The following TMEFF2 variants were observed in gnomAD, a reference collection of about 807,000 sequenced individuals.
TMEFF2 encodes tomoregulin-2.
TMEFF2 carries 28 observed loss-of-function variants against 53.8 expected under a neutral mutation model. The ratio of observed to expected loss-of-function variants is 0.52; its 90% CI spans 0.39 to 0.71. The LOEUF is 0.71. Among genes scored for constraint, TMEFF2 ranks in the 30% least tolerant of loss-of-function variants. TMEFF2 has a pLI of 0.00. For missense variants in TMEFF2, 353 were observed against 455.2 expected, an observed-to-expected ratio of 0.78 and a Z score of 2.04; for synonymous variants, 162 against 166.3, an observed-to-expected ratio of 0.97 and a Z score of 0.20.
At chr2:192,080,547 A>G (rs905575425) in intron 4 of TMEFF2, among the ~76,000 whole-genome samples, 6 of 152,198 alleles carry the variant, frequency 3.9e-5, no homozygotes, top group African/African-American at 1.4e-4. Context: ...TTATAGTAGT[A>G]TGAAATTGGA....
chr2:192,119,493 C>G (rs1447560085), intron 4 of TMEFF2, among the ~76,000 whole-genome samples: 3 of 152,168 alleles, frequency 2.0e-5, no homozygotes, highest in Non-Finnish European at 4.4e-5. Context: ...TAGAATTCCA[C>G]TAGATTCATC....
At chr2:192,073,174 T>G (rs73043714) in intron 4 of TMEFF2, among the ~76,000 whole-genome samples, 29,769 of 151,904 alleles carry the variant, frequency 0.2, 3,367 homozygotes, top group East Asian at 0.43. Context: ...AAAAAAATAT[T>G]CAGGTGAGGT....
intron 4 of TMEFF2, among the ~76,000 whole-genome samples, chr2:192,094,211 G>C (rs1234069230): frequency 6.6e-6 from 1 of 152,162 alleles, no homozygotes; most frequent in Non-Finnish European, 1.5e-5. Context: ...TGTCAGCTTA[G>C]ACTGAGAGGG....
chr2:192,046,444 G>C (rs912218750), intron 5 of TMEFF2, among the ~76,000 whole-genome samples: 13 of 152,064 alleles, frequency 8.5e-5, no homozygotes, highest in Admixed American at 2.6e-4. Flanking sequence ...TCTAGGACTG[G>C]TGCAAGGTTC....
At chr2:191,954,288 C>G (rs371968698) in intron 8 of TMEFF2, among the ~76,000 whole-genome samples, 2 of 151,814 alleles carry the variant, frequency 1.3e-5, no homozygotes, top group African/African-American at 2.4e-5. Flanking sequence ...GGCTATGGCT[C>G]TCAACTACTT....
intron 4 of TMEFF2, among the ~76,000 whole-genome samples, chr2:192,081,252 G>T (rs189460774): frequency 1.6e-4 from 25 of 152,302 alleles, no homozygotes; most frequent in Non-Finnish European, 3.2e-4. Flanking sequence ...TAGTCTTGAA[G>T]ATTTCTCTGA....
chr2:191,958,129 G>T (rs1692161711), intron 7 of TMEFF2, among the ~76,000 whole-genome samples: 5 of 152,172 alleles, frequency 3.3e-5, no homozygotes, highest in Admixed American at 3.3e-4. Context: ...TTCATTCTGT[G>T]CCAGGGCCGG....
intron 7 of TMEFF2, among the ~76,000 whole-genome samples, chr2:191,964,380 TTCTTTC>T (rs1692394660): frequency 7.5e-5 from 3 of 39,870 alleles, no homozygotes; most frequent in African/African-American, 1.6e-4. Context: ...TTCTCTTTCT[TTCTTTC>T]TTTCTTTCTT....
chr2:192,049,870 G>A (rs761661666), intron 5 of TMEFF2, among the ~76,000 whole-genome samples: 6 of 152,044 alleles, frequency 3.9e-5, no homozygotes, highest in African/African-American at 7.2e-5. Flanking sequence ...GCGTGGTGGC[G>A]ACCGCCTGTA....
intron 4 of TMEFF2, among the ~76,000 whole-genome samples, chr2:192,153,694 GCATATTA>G (rs1259407497): frequency 6.6e-6 from 1 of 151,844 alleles, no homozygotes; most frequent in Non-Finnish European, 1.5e-5. Flanking sequence ...GGTATGAAAA[GCATATTA>G]CAGGCTGTCT....
chr2:192,160,757 G>T (rs371106006), intron 4 of TMEFF2, among the ~76,000 whole-genome samples: 1 of 152,082 alleles, frequency 6.6e-6, no homozygotes, highest in East Asian at 1.9e-4. Context: ...TAAGATAAAT[G>T]GAAAAGGATG....
At chr2:191,966,070 A>G (rs183829625) in intron 7 of TMEFF2, among the ~76,000 whole-genome samples, 164 of 152,306 alleles carry the variant, frequency 1.1e-3, no homozygotes, top group African/African-American at 3.8e-3. Flanking sequence ...TTTTTAAAAT[A>G]AAGGAATGTT....
intron 3 of TMEFF2, among the ~76,000 whole-genome samples, chr2:192,180,949 A>T (rs991497087): frequency 1.9e-4 from 29 of 151,844 alleles, no homozygotes; most frequent in Admixed American, 1.6e-3. Context: ...TCAATTAACT[A>T]TTAATGTGAC....
intron 7 of TMEFF2, 24 bp from the exon 8 acceptor site, chr2:191,956,402 C>A: frequency 6.2e-7 from 1 of 1,607,626 alleles, no homozygotes; most frequent in Non-Finnish European, 8.5e-7. Context: ...TAAAAGTAAG[C>A]ACCCCCTGTA....
intron 4 of TMEFF2, among the ~76,000 whole-genome samples, chr2:192,064,641 C>G (rs1245476840): frequency 2.0e-5 from 3 of 151,802 alleles, no homozygotes; most frequent in African/African-American, 4.8e-5. Context: ...TTATATGTTT[C>G]TTGCCATAGC....
chr2:192,129,904 TAAC>T (rs1689773504), intron 4 of TMEFF2, among the ~76,000 whole-genome samples: 1 of 152,218 alleles, frequency 6.6e-6, no homozygotes, highest in South Asian at 2.1e-4. Context: ...AAAAACAAAT[TAAC>T]AAAGACGAAT....
chr2:192,027,970 T>G (rs2105868432), intron 5 of TMEFF2: 1 of 151,100 alleles, frequency 6.6e-6, no homozygotes, highest in Admixed American at 6.6e-5. Context: ...GCTGTTATGG[T>G]TTGGCTGTGT....
chr2:191,964,317 TTCCTTCCTTTCTTTCC>T (rs1300374283), intron 7 of TMEFF2, among the ~76,000 whole-genome samples: 2 of 141,680 alleles, frequency 1.4e-5, no homozygotes, highest in African/African-American at 2.8e-5. Context: ...CTTTCTTTCC[TTCCTTCCTTTCTTTCC>T]TTCTTTCTTT....
At chr2:192,171,268 A>G (rs1361047094) in intron 4 of TMEFF2, among the ~76,000 whole-genome samples, 1 of 152,102 alleles carries the variant, frequency 6.6e-6, no homozygotes, top group Non-Finnish European at 1.5e-5. Context: ...TCAGATGAGT[A>G]GCAGAGTGAA....
Sources: gnomAD v4.1 joint callset for allele counts (sites outside exome capture counted in the v4.1 genomes callset) on GRCh38, gnomAD v4.1.1 for gene constraint, MANE v1.5 for transcripts, NCBI Gene and HGNC (gene_info 2026-07-23, HGNC 2026-07-21) for gene names.